The following EPHA6 variants were observed in gnomAD, a reference collection of about 807,000 sequenced individuals.
EPHA6 encodes the protein ephrin type-A receptor 6.
Under a neutral mutation model 112.0 loss-of-function variants are expected in EPHA6, and 50 were observed. The ratio of observed to expected loss-of-function variants is 0.45; its 90% CI spans 0.36 to 0.56. EPHA6 has a LOEUF of 0.56. EPHA6 is among the 20% of genes least tolerant of loss of function. The pLI is 0.00. For missense variants in EPHA6, 1,280 were observed against 1,417.4 expected, an observed-to-expected ratio of 0.90 and a Z score of 1.56; for synonymous variants, 529 against 490.7, an observed-to-expected ratio of 1.08 and a Z score of -1.03.
At chr3:97,245,203 T>C (rs558035786) in intron 5 of EPHA6, among the ~76,000 whole-genome samples, 2 of 152,222 alleles carry the variant, frequency 1.3e-5, no homozygotes, top group African/African-American at 2.4e-5. Flanking sequence ...TATTTTCTCA[T>C]AGCTTTGCAG....
At chr3:97,317,651 C>T (rs535498845) in intron 5 of EPHA6, among the ~76,000 whole-genome samples, 26 of 151,752 alleles carry the variant, frequency 1.7e-4, no homozygotes, top group East Asian at 1.9e-4. Context: ...TTTGTGACTT[C>T]GTGAAACTAA....
At chr3:97,641,132 TATTAGATTACAAAGCAAAATTATAA>T (rs958412735) in intron 14 of EPHA6, among the ~76,000 whole-genome samples, 4 of 152,144 alleles carry the variant, frequency 2.6e-5, no homozygotes, top group Non-Finnish European at 4.4e-5. Context: ...TGGCTAATGG[TATTAGATTACAAAGCAAAATTATAA>T]AAGAAGATAT....
chr3:97,725,179 C>T lies in EPHA6; in HGVS notation c.2934+4769C>T, dbSNP rs548367952. On this transcript the variant is annotated intron_variant, in intron 15 of 17. Transcript: ENST00000389672. ...CATTCTCTCCTACTGCTAAGTTCTT[C>T]GCTGTCTGCTTCTTTACATTCCAGG... Among the ~76,000 whole-genome samples the T allele has an allele frequency of 5.3e-5, 8 of 152,224 alleles. No individual in the cohort carries two copies. The East Asian group carries it at 9.7e-4, about 18-fold the overall frequency.
At chr3:97,705,685 A>G (rs2033641355) in intron 14 of EPHA6, among the ~76,000 whole-genome samples, 1 of 152,224 alleles carries the variant, frequency 6.6e-6, no homozygotes, top group Non-Finnish European at 1.5e-5. Flanking sequence ...CAAGAAGCGT[A>G]TAGATTAAAA....
chr3:97,345,849 C>A (rs2083507339), intron 5 of EPHA6, among the ~76,000 whole-genome samples: 1 of 151,978 alleles, frequency 6.6e-6, no homozygotes, highest in African/African-American at 2.4e-5. Context: ...TCTTGAGTAA[C>A]TGCAAGAAAA....
chr3:97,309,095 G>A (rs558733239), intron 5 of EPHA6, among the ~76,000 whole-genome samples: 10 of 151,774 alleles, frequency 6.6e-5, no homozygotes, highest in Admixed American at 3.3e-4. Context: ...TTTTGTATAT[G>A]CTTTCTAAAT....
At chr3:97,712,279 G>T (rs1219326293) in intron 14 of EPHA6, among the ~76,000 whole-genome samples, 2 of 152,130 alleles carry the variant, frequency 1.3e-5, no homozygotes, top group Non-Finnish European at 2.9e-5. Flanking sequence ...CTTCTGTACA[G>T]CTGGGTTTAA....
At chr3:97,341,096 G>T (rs749990513) in intron 5 of EPHA6, among the ~76,000 whole-genome samples, 1 of 152,164 alleles carries the variant, frequency 6.6e-6, no homozygotes, top group African/African-American at 2.4e-5. Context: ...GGCCGAGTAG[G>T]TTCAGCTTCC....
chr3:97,073,877 A>G (rs1465016281), intron 3 of EPHA6, among the ~76,000 whole-genome samples: 1 of 152,030 alleles, frequency 6.6e-6, no homozygotes, highest in African/African-American at 2.4e-5. Context: ...TTCAACAGGG[A>G]CAATCACTAT....
At chr3:97,735,033 T>C (rs1368643682) in intron 15 of EPHA6, among the ~76,000 whole-genome samples, 1 of 152,110 alleles carries the variant, frequency 6.6e-6, no homozygotes, top group Non-Finnish European at 1.5e-5. Context: ...TGGGATCTTA[T>C]ACAGATACAT....
chr3:97,734,595 G>A (rs770294538), intron 15 of EPHA6, among the ~76,000 whole-genome samples: 24 of 152,002 alleles, frequency 1.6e-4, no homozygotes, highest in East Asian at 1.9e-4. Flanking sequence ...AAAGAGGTTC[G>A]TGAAGACATA....
chr3:97,491,822 CCATGTGTTTGTAGG>C, intron 10 of EPHA6, among the ~76,000 whole-genome samples: 1 of 151,846 alleles, frequency 6.6e-6, no homozygotes, highest in East Asian at 1.9e-4. Flanking sequence ...CCCACAGCCA[CCATGTGTTTGTAGG>C]CAGTGTTTCA....
At chr3:97,328,019 A>G (rs2082551942) in intron 5 of EPHA6, among the ~76,000 whole-genome samples, 2 of 132,860 alleles carry the variant, frequency 1.5e-5, no homozygotes, top group Middle Eastern at 3.8e-3. Context: ...ATATGTGTAT[A>G]TATGTATATG....
chr3:97,170,659 C>T (rs2108425967), intron 3 of EPHA6, among the ~76,000 whole-genome samples: 1 of 152,174 alleles, frequency 6.6e-6, no homozygotes, highest in Non-Finnish European at 1.5e-5. Flanking sequence ...ATTGCCTGAG[C>T]CCAGGAGGCT....
At chr3:96,872,786 G>T (rs1327306618) in intron 2 of EPHA6, among the ~76,000 whole-genome samples, 4 of 151,620 alleles carry the variant, frequency 2.6e-5, no homozygotes, top group African/African-American at 7.3e-5. Flanking sequence ...TTTTAAATTT[G>T]ATGTGAAAAT....
chr3:97,022,902 T>C (rs1009285545), intron 3 of EPHA6, among the ~76,000 whole-genome samples: 3 of 152,194 alleles, frequency 2.0e-5, no homozygotes, highest in Non-Finnish European at 2.9e-5. Flanking sequence ...CAGGCCAGCT[T>C]GAGCACAGCA....
intron 4 of EPHA6, among the ~76,000 whole-genome samples, chr3:97,231,880 A>G (rs1293052028): frequency 6.6e-6 from 1 of 152,166 alleles, no homozygotes; most frequent in Non-Finnish European, 1.5e-5. Flanking sequence ...GTTGTTTGAC[A>G]AGACTCCTAG....
intron 2 of EPHA6, among the ~76,000 whole-genome samples, chr3:96,902,517 A>G (rs2038672835): frequency 6.6e-6 from 1 of 152,096 alleles, no homozygotes; most frequent in Non-Finnish European, 1.5e-5. Flanking sequence ...TATTTCAGCA[A>G]CCCTTGAGTC....
intron 13 of EPHA6, among the ~76,000 whole-genome samples, chr3:97,620,665 C>T (rs1379132134): frequency 3.3e-5 from 5 of 151,710 alleles, no homozygotes; most frequent in Admixed American, 2.6e-4. Flanking sequence ...TATGAAAAAA[C>T]TCAGTATCAC....
Sources: allele counts gnomAD v4.1 joint callset (sites outside exome capture counted in the v4.1 genomes callset), GRCh38; gene constraint gnomAD v4.1.1; transcripts MANE v1.5; gene names NCBI Gene and HGNC (gene_info 2026-07-23, HGNC 2026-07-21).